The following FAM107B variants were observed in gnomAD, a reference collection of about 807,000 sequenced individuals.
FAM107B encodes the protein protein FAM107B.
FAM107B carries 21 observed loss-of-function variants against 31.5 expected under a neutral mutation model. The observed-to-expected ratio is 0.67, with a 90% CI of 0.47 to 0.96. The LOEUF (loss-of-function observed/expected upper bound fraction) is 0.96, where lower values mean the gene tolerates loss of function less well. FAM107B is among the 40% of genes least tolerant of loss of function. The probability of loss-of-function intolerance (pLI) is 0.00; values close to 1 mark genes in which losing one functional copy is unlikely to be tolerated. For synonymous variants in FAM107B, 157 were observed against 141.5 expected, an observed-to-expected ratio of 1.11 and a Z score of -0.78; for missense variants, 452 against 377.1, an observed-to-expected ratio of 1.20 and a Z score of -1.64.
intron 2 of FAM107B, among the ~76,000 whole-genome samples, chr10:14,592,798 C>A (rs1852063667): frequency 6.6e-6 from 1 of 152,246 alleles, no homozygotes; most frequent in Non-Finnish European, 1.5e-5. Context: ...CACTGGTAGC[C>A]TGGGCAGCTG....
chr10:14,744,555 A>G (rs1475849279), intron 1 of FAM107B, among the ~76,000 whole-genome samples: 1 of 152,166 alleles, frequency 6.6e-6, no homozygotes, highest in Non-Finnish European at 1.5e-5. Flanking sequence ...TTTAACATGA[A>G]GAGATGTTGA....
rs549956600 is a variant in FAM107B at position 14,524,199 on chromosome 10, G to A, written c.654-2180C>T. ...TGGGATTACAGGTGCCCGCAACCACGACCGGATAATTTTTTGTATTTTTAG... is the reference window on the plus strand; with the variant it reads ...TGGGATTACAGGTGCCCGCAACCACAACCGGATAATTTTTTGTATTTTTAG... On this transcript the variant is annotated intron_variant, in intron 3 of 4. Coordinates refer to ENST00000181796, the MANE Select transcript of FAM107B (RefSeq NM_031453.4). Among the ~76,000 whole-genome samples the A allele has an allele frequency of 1.1e-3, 163 of 152,052 alleles. 1 individual carries two copies. Among genetic ancestry groups the A allele is most frequent in the African/African-American group, 3.5e-3 (145 of 41,450 alleles).
chr10:14,663,336 G>GACT (rs1854299949), intron 2 of FAM107B: 1 of 152,118 alleles, frequency 6.6e-6, no homozygotes, highest in African/African-American at 2.4e-5. Context: ...TAGAGAACTC[G>GACT]ACTAATACAC....
chr10:14,697,883 TG>T (rs1336333086), intron 1 of FAM107B, among the ~76,000 whole-genome samples: 1 of 152,116 alleles, frequency 6.6e-6, no homozygotes, highest in African/African-American at 2.4e-5. Context: ...TCAGCACTTT[TG>T]GAGGCCAAGG....
intron 1 of FAM107B, among the ~76,000 whole-genome samples, chr10:14,716,450 C>T (rs1855781537): frequency 6.6e-6 from 1 of 152,246 alleles, no homozygotes; most frequent in African/African-American, 2.4e-5. Flanking sequence ...GACATGGCAG[C>T]TGGCTTCCCC....
intron 1 of FAM107B, among the ~76,000 whole-genome samples, chr10:14,672,041 A>T (rs924661024): frequency 6.6e-6 from 1 of 151,554 alleles, no homozygotes; most frequent in Non-Finnish European, 1.5e-5. Flanking sequence ...GGTTCTGTAC[A>T]TTGGTTCTGT....
rs554775202 is a variant in FAM107B at position 14,681,937 on chromosome 10, C to T, written c.412-14246G>A. On this transcript the variant is annotated intron_variant, in intron 1 of 4. Transcript: ENST00000181796. ...ATATCATGGGTTTGAGAGTCAATTG[C>T]GGGCACCTATACACCAGTCAAAACA... is the stretch of plus-strand genomic sequence containing the variant. Among the ~76,000 whole-genome samples, 75 of 152,230 alleles carry T rather than the reference C, an allele frequency of 4.9e-4. No homozygotes were observed. The South Asian group carries it at 0.014, about 29-fold the overall frequency.
At chr10:14,767,880 A>G (rs1833216801) in intron 1 of FAM107B, among the ~76,000 whole-genome samples, 1 of 152,240 alleles carries the variant, frequency 6.6e-6, no homozygotes, top group Non-Finnish European at 1.5e-5. Context: ...AAGTAAAATT[A>G]TCTGTCTGTT....
chr10:14,772,362 A>AAAAAAATATATAT (rs10651238), intron 1 of FAM107B, among the ~76,000 whole-genome samples: 6 of 145,590 alleles, frequency 4.1e-5, no homozygotes, highest in African/African-American at 1.6e-4. Flanking sequence ...TTAAAAAAAA[A>AAAAAAATATATAT]ATATATATAT....
intron 2 of FAM107B, among the ~76,000 whole-genome samples, chr10:14,570,480 C>G (rs1383684481): frequency 6.6e-6 from 1 of 152,138 alleles, no homozygotes; most frequent in East Asian, 1.9e-4. Flanking sequence ...CCAAGACATT[C>G]TCTCCCTAAT....
intron 3 of FAM107B, among the ~76,000 whole-genome samples, chr10:14,525,417 AAAGT>A (rs1165611983): frequency 6.6e-6 from 1 of 152,240 alleles, no homozygotes; most frequent in Non-Finnish European, 1.5e-5. Flanking sequence ...CAGAAAAAGA[AAAGT>A]AATATACCCA....
rs546255715 is a variant in FAM107B at position 14,524,414 on chromosome 10, T to C, written c.654-2395A>G. On this transcript the variant is annotated intron_variant, in intron 3 of 4. Transcript: ENST00000181796. ...TATGTCTCCAATTTCCCAATTTTCATTAGCAGAACTTTCCGTTAAAAAAAA... is the reference window on the plus strand; with the variant it reads ...TATGTCTCCAATTTCCCAATTTTCACTAGCAGAACTTTCCGTTAAAAAAAA... Among the ~76,000 whole-genome samples, 14 of 152,248 alleles carry C rather than the reference T, an allele frequency of 9.2e-5. No homozygotes were observed. The East Asian group carries it at 2.3e-3, about 25-fold the overall frequency.
At chr10:14,703,164 GC>G (rs1855441085) in intron 1 of FAM107B, among the ~76,000 whole-genome samples, 1 of 152,000 alleles carries the variant, frequency 6.6e-6, no homozygotes, top group Admixed American at 6.6e-5. Flanking sequence ...CATCACTGTG[GC>G]TCTCCCCATG....
rs538782555 is a variant in FAM107B, at chr10:14,663,677, T to C, written c.469+3957A>G. On this transcript the variant is annotated intron_variant, in intron 2 of 4. Transcript: ENST00000181796. The stretch of plus-strand genomic sequence containing the variant: ...TGCTACCTGATTCCGGGAAAGGCAC[T>C]AAGGTTCCATCTTTCAATCACCTAC... Among the ~76,000 whole-genome samples, 9 of 152,214 alleles carry C rather than the reference T, an allele frequency of 5.9e-5. No homozygotes were observed. In the South Asian group the frequency reaches 1.7e-3, roughly 28 times the overall value.
At chr10:14,645,506 T>G (rs1853730244) in intron 2 of FAM107B, among the ~76,000 whole-genome samples, 1 of 152,204 alleles carries the variant, frequency 6.6e-6, no homozygotes, top group South Asian at 2.1e-4. Flanking sequence ...CTCCATTCAT[T>G]TATAACTCAT....
chr10:14,550,874 T>C (rs1001647074), intron 2 of FAM107B, among the ~76,000 whole-genome samples: 1 of 152,210 alleles, frequency 6.6e-6, no homozygotes, highest in African/African-American at 2.4e-5. Flanking sequence ...TAATGAAAAC[T>C]TGTCTTTTAC....
intron 2 of FAM107B, among the ~76,000 whole-genome samples, chr10:14,551,738 TAAC>T (rs1310582826): frequency 6.6e-6 from 1 of 152,202 alleles, no homozygotes; most frequent in African/African-American, 2.4e-5. Context: ...TTATACCTGA[TAAC>T]AACATATTAT....
At chr10:14,623,880 C>A (rs1165282089) in intron 2 of FAM107B, among the ~76,000 whole-genome samples, 2 of 152,096 alleles carry the variant, frequency 1.3e-5, no homozygotes, top group African/African-American at 4.8e-5. Flanking sequence ...GCATATGAAA[C>A]AACTCATTTT....
chr10:14,727,418 G>C (rs1375577785), intron 1 of FAM107B, among the ~76,000 whole-genome samples: 2 of 152,180 alleles, frequency 1.3e-5, no homozygotes, highest in African/African-American at 4.8e-5. Context: ...ATGTGTTCCA[G>C]CCTGGACTTG....
Sources: allele counts gnomAD v4.1 joint callset (sites outside exome capture counted in the v4.1 genomes callset), GRCh38; gene constraint gnomAD v4.1.1; transcripts MANE v1.5; gene names NCBI Gene and HGNC (gene_info 2026-07-23, HGNC 2026-07-21).